Variants in PRUNE2 observed in about 807,000 individuals in gnomAD.
PRUNE2 encodes the protein protein prune homolog 2.
A neutral mutation model predicts 252.0 loss-of-function variants in PRUNE2; 164 were observed. The observed-to-expected ratio is 0.65, with a 90% CI of 0.57 to 0.74. The LOEUF (loss-of-function observed/expected upper bound fraction) is 0.74. Among genes scored for constraint, PRUNE2 ranks in the 30% least tolerant of loss-of-function variants. The pLI is 0.00. For synonymous variants in PRUNE2, 1,292 were observed against 1,350.2 expected, an observed-to-expected ratio of 0.96 and a Z score of 0.94; for missense variants, 3,495 against 3,711.0, an observed-to-expected ratio of 0.94 and a Z score of 1.51.
At chr9:76,650,707 G>C (rs576930265) in intron 11 of PRUNE2, among the ~76,000 whole-genome samples, 55 of 152,280 alleles carry the variant, frequency 3.6e-4, no homozygotes, top group African/African-American at 1.3e-3. Flanking sequence ...CCTAAAACAG[G>C]GTTGTGGCCA....
intron 4 of PRUNE2, among the ~76,000 whole-genome samples, chr9:76,837,180 T>A (rs116101954): frequency 0.043 from 6,476 of 152,164 alleles, 313 homozygotes; most frequent in East Asian, 0.13. Flanking sequence ...ACAGTGGCTC[T>A]CTGCTGTAAT....
At chr9:76,655,826 A>T (rs1049058087) in intron 9 of PRUNE2, among the ~76,000 whole-genome samples, 5 of 152,214 alleles carry the variant, frequency 3.3e-5, no homozygotes, top group African/African-American at 4.8e-5. Flanking sequence ...ATATATATAT[A>T]TTTTTAACAA....
intron 6 of PRUNE2, among the ~76,000 whole-genome samples, chr9:76,770,381 G>A (rs546740533): frequency 1.8e-4 from 27 of 152,100 alleles, no homozygotes; most frequent in African/African-American, 6.5e-4. Context: ...AAGTGATAAA[G>A]TTTCTTTTTG....
intron 6 of PRUNE2, chr9:76,740,297 A>G (rs2135549708): frequency 6.6e-6 from 1 of 151,732 alleles, no homozygotes; most frequent in East Asian, 1.9e-4. Flanking sequence ...AAAATACAAT[A>G]AATTGGCCAG....
chr9:76,633,686 A>C (rs1160674370), intron 15 of PRUNE2, among the ~76,000 whole-genome samples: 1 of 152,188 alleles, frequency 6.6e-6, no homozygotes, highest in African/African-American at 2.4e-5. Flanking sequence ...TGTAACTGAA[A>C]TCATAGGGCC....
chr9:76,872,684 C>A (rs975623852), intron 1 of PRUNE2, among the ~76,000 whole-genome samples: 1 of 150,778 alleles, frequency 6.6e-6, no homozygotes, highest in African/African-American at 2.4e-5. Flanking sequence ...GAGATATATA[C>A]TGAAAAACTT....
At chr9:76,682,315 A>C (rs2043544022) in intron 9 of PRUNE2, among the ~76,000 whole-genome samples, 1 of 151,458 alleles carries the variant, frequency 6.6e-6, no homozygotes, top group Non-Finnish European at 1.5e-5. Flanking sequence ...AGAAAATATA[A>C]AGGAAAAATA....
intron 9 of PRUNE2, among the ~76,000 whole-genome samples, chr9:76,698,051 ATTTT>A (rs33999796): frequency 6.8e-6 from 1 of 146,806 alleles, no homozygotes; most frequent in Non-Finnish European, 1.5e-5. Flanking sequence ...AATGTAAAGG[ATTTT>A]TTTTTTTTTT....
intron 6 of PRUNE2, chr9:76,786,102 T>C (rs1377510321): frequency 1.3e-5 from 2 of 152,172 alleles, no homozygotes; most frequent in African/African-American, 4.8e-5. Flanking sequence ...TTGAGAAATA[T>C]TCAATTCTCA....
chr9:76,881,265 T>C (rs935832128), intron 1 of PRUNE2, among the ~76,000 whole-genome samples: 1 of 152,162 alleles, frequency 6.6e-6, no homozygotes, highest in African/African-American at 2.4e-5. Context: ...CGAGCCTGGC[T>C]TCCTCATTAA....
intron 4 of PRUNE2, among the ~76,000 whole-genome samples, chr9:76,842,709 C>A (rs563137134): frequency 1.8e-4 from 27 of 151,994 alleles, no homozygotes; most frequent in African/African-American, 5.5e-4. Context: ...AAGTGGCCAA[C>A]AAACATATGG....
chr9:76,884,801 A>G (rs2061992180), intron 1 of PRUNE2, among the ~76,000 whole-genome samples: 1 of 152,236 alleles, frequency 6.6e-6, no homozygotes, highest in African/African-American at 2.4e-5. Context: ...TTTTGCAATT[A>G]AAGAAACAGG....
chr9:76,857,839 C>T (rs1206151619), intron 1 of PRUNE2, among the ~76,000 whole-genome samples: 1 of 152,056 alleles, frequency 6.6e-6, no homozygotes, highest in Non-Finnish European at 1.5e-5. Context: ...GGGAGGTCCC[C>T]ACGGTTCTGG....
intron 10 of PRUNE2, among the ~76,000 whole-genome samples, chr9:76,654,071 A>T (rs2133332669): frequency 1.3e-5 from 2 of 152,308 alleles, no homozygotes; most frequent in Middle Eastern, 6.8e-3. Flanking sequence ...GAATTGAATT[A>T]TAGGACACCC....
chr9:76,694,545 AAG>A (rs1249180914), intron 9 of PRUNE2, among the ~76,000 whole-genome samples: 1 of 152,178 alleles, frequency 6.6e-6, no homozygotes, highest in Non-Finnish European at 1.5e-5. Flanking sequence ...CACAGTGATT[AAG>A]TTATTGTCAT....
chr9:76,868,032 C>A (rs1273507774), intron 1 of PRUNE2, among the ~76,000 whole-genome samples: 1 of 152,128 alleles, frequency 6.6e-6, no homozygotes, highest in African/African-American at 2.4e-5. Flanking sequence ...CTAGAGCACT[C>A]AGGGGTGCTT....
chr9:76,617,822 G>T (rs1830409560), intron 18 of PRUNE2, among the ~76,000 whole-genome samples: 1 of 152,232 alleles, frequency 6.6e-6, no homozygotes, highest in Non-Finnish European at 1.5e-5. Flanking sequence ...GCCCCAAGAT[G>T]TAGCAGCGAT....
At position 76,822,969 on chromosome 9, in the gene PRUNE2, G is replaced by A. The variant is rs150346971; in HGVS notation, c.756+663C>T. ...CAATACAACAGTAAAGAAATACACAGACTTCTACAAATGCACAAATGTGCC... is the reference window on the plus strand; with the variant it reads ...CAATACAACAGTAAAGAAATACACAAACTTCTACAAATGCACAAATGTGCC... On this transcript the variant is annotated intron_variant, in intron 6 of 18. Coordinates refer to ENST00000376718, the MANE Select transcript of PRUNE2 (RefSeq NM_015225.3). 1.7e-3 allele frequency among the ~76,000 whole-genome samples: 256 copies of A among 152,266 alleles called. 1 individual carries two copies. In the Middle Eastern group the frequency reaches 0.027, roughly 16 times the overall value.
At position 76,850,593 on chromosome 9, in the gene PRUNE2, T is replaced by A; in HGVS notation, c.214A>T (p.Thr72Ser). Reference protein sequence around the residue: ...PRTEFNYFTETRFILEELNIS... With the variant: ...PRTEFNYFTESRFILEELNIS... ...TTTAGCTCTTCTAAAATAAACCTCG[T>A]CTCGGTGAAGTAGTTGAATTCAGTT... Residue 72 changes from threonine to serine, a missense_variant, in exon 3 of 19, where the codon ACG becomes TCG. Transcript: ENST00000376718. The A allele has an allele frequency of 1.2e-6, 2 of 1,614,100 alleles. No individual in the cohort carries two copies. Among genetic ancestry groups the A allele is most frequent in the East Asian group, 2.2e-5 (1 of 44,894 alleles).
Sources: allele counts gnomAD v4.1 joint callset (sites outside exome capture counted in the v4.1 genomes callset), GRCh38; gene constraint gnomAD v4.1.1; transcripts MANE v1.5; gene names NCBI Gene and HGNC (gene_info 2026-07-23, HGNC 2026-07-21).